Variants in SV2C observed in about 807,000 individuals in gnomAD.
The protein encoded by SV2C is synaptic vesicle glycoprotein 2C.
SV2C carries 49 observed loss-of-function variants against 79.7 expected under a neutral mutation model. The ratio of observed to expected loss-of-function variants is 0.61; its 90% CI spans 0.49 to 0.78. SV2C has a LOEUF of 0.78. Among genes scored for constraint, SV2C ranks in the 30% least tolerant of loss-of-function variants. The pLI is 0.00. For synonymous variants in SV2C, 334 were observed against 333.2 expected (o/e 1.00, Z -0.03); for missense variants, 833 against 912.9 (o/e 0.91, Z 1.13).
chr5:75,870,165 G>GGACCAATTCTAGAGAAA, the SV2C span, among the ~76,000 whole-genome samples: 2 of 151,924 alleles, frequency 1.3e-5, no homozygotes, highest in South Asian at 4.1e-4. Flanking sequence ...ACTAAATAAG[G>GGACCAATTCTAGAGAAA]CACAAGGGAC....
chr5:76,010,300 C>G, the SV2C span, among the ~76,000 whole-genome samples: 1 of 152,030 alleles, frequency 6.6e-6, no homozygotes. Flanking sequence ...CATGCCTGCT[C>G]GTCAGGGTGG....
At chr5:76,177,812 G>A (rs1743589816) in intron 2 of SV2C, among the ~76,000 whole-genome samples, 4 of 152,098 alleles carry the variant, frequency 2.6e-5, no homozygotes, top group Admixed American at 2.6e-4. Flanking sequence ...GTGGTATTTT[G>A]CTGGAGGGTC....
At chr5:76,084,646 C>A (rs1747113986) in intron 1 of SV2C, among the ~76,000 whole-genome samples, 1 of 149,554 alleles carries the variant, frequency 6.7e-6, no homozygotes, top group Non-Finnish European at 1.5e-5. Flanking sequence ...GCGCTCGCGT[C>A]ACCTTCTACG....
At chr5:76,072,821 T>C in the SV2C span, among the ~76,000 whole-genome samples, 1 of 152,244 alleles carries the variant, frequency 6.6e-6, no homozygotes, top group Non-Finnish European at 1.5e-5. Context: ...TGGTATTTCA[T>C]TGTGGTTTTG....
chr5:76,115,917 C>G (rs985617959), intron 1 of SV2C, among the ~76,000 whole-genome samples: 1 of 152,208 alleles, frequency 6.6e-6, no homozygotes, highest in Non-Finnish European at 1.5e-5. Flanking sequence ...TCTGCCTGAG[C>G]CCCTTTACTC....
At chr5:76,334,362 C>T (rs140732331), downstream of SV2C, among the ~76,000 whole-genome samples, 1,194 of 152,152 alleles carry the variant, frequency 7.8e-3, 16 homozygotes, top group African/African-American at 0.028. Context: ...ACTTAAATGC[C>T]ACATATTTGC....
At position 76,227,271 on chromosome 5, in the gene SV2C, C is replaced by T. The variant is rs549909849; in HGVS notation, c.913+17384C>T. Among the ~76,000 whole-genome samples, 8 of 152,296 alleles carry T rather than the reference C, an allele frequency of 5.3e-5. No homozygotes were observed. The South Asian group carries it at 1.7e-3, about 32-fold the overall frequency. Reference sequence around the variant, plus strand: ...CAGCTGGGCCAGCTCCTTGCAGGAGCACCTTCCCTCTGCCATATGTGGTCT... The same window carrying T: ...CAGCTGGGCCAGCTCCTTGCAGGAGTACCTTCCCTCTGCCATATGTGGTCT... On this transcript the variant is annotated intron_variant, in intron 4 of 12. Coordinates refer to ENST00000502798, the MANE Select transcript of SV2C (RefSeq NM_014979.4).
At chr5:76,024,136 T>C in the SV2C span, among the ~76,000 whole-genome samples, 1 of 152,110 alleles carries the variant, frequency 6.6e-6, no homozygotes, top group African/African-American at 2.4e-5. Context: ...TCCCCATATA[T>C]GTATCTTTAA....
At position 76,346,061 on chromosome 5, in the gene SV2C, G is replaced by A. The variant is rs141821594; in HGVS notation, c.2001-7069G>A. 3.5e-4 allele frequency among the ~76,000 whole-genome samples: 54 copies of A among 152,298 alleles called. 2 individuals carry two copies. In the East Asian group the frequency reaches 9.8e-3, roughly 28 times the overall value. On this transcript the variant is annotated intron_variant, in intron 12 of 12. Coordinates refer to the SV2C transcript ENST00000322285. Reference sequence around the variant, plus strand: ...ACAACGATCTCTCCAGATTTGTAGCGTTTGCAGATTTCCTTGGTGTAATTA... The same window carrying A: ...ACAACGATCTCTCCAGATTTGTAGCATTTGCAGATTTCCTTGGTGTAATTA...
chr5:76,284,465 G>T (rs563413992), intron 4 of SV2C, among the ~76,000 whole-genome samples: 9 of 152,106 alleles, frequency 5.9e-5, no homozygotes, highest in African/African-American at 1.9e-4. Flanking sequence ...GGTGTTTAGC[G>T]AAGGGACTCT....
At chr5:76,032,227 T>C in the SV2C span, among the ~76,000 whole-genome samples, 1 of 144,604 alleles carries the variant, frequency 6.9e-6, no homozygotes, top group South Asian at 2.1e-4. Flanking sequence ...TATCTTCTTT[T>C]TTTTTTCCTG....
At chr5:75,876,658 T>C in the SV2C span, among the ~76,000 whole-genome samples, 1 of 152,110 alleles carries the variant, frequency 6.6e-6, no homozygotes, top group Non-Finnish European at 1.5e-5. Flanking sequence ...AGGTGTAATA[T>C]GCATAACAAT....
intron 4 of SV2C, among the ~76,000 whole-genome samples, chr5:76,240,636 C>T (rs1384371825): frequency 1.3e-5 from 2 of 152,160 alleles, no homozygotes; most frequent in Admixed American, 6.5e-5. Flanking sequence ...TTCTGTTATA[C>T]ACTCTTTATA....
At chr5:76,059,045 T>C in the SV2C span, among the ~76,000 whole-genome samples, 1,124 of 152,240 alleles carry the variant, frequency 7.4e-3, 67 homozygotes, top group Admixed American at 0.067. Flanking sequence ...TATTCTAGTC[T>C]ATTAAGGATG....
chr5:76,014,428 A>G, the SV2C span, among the ~76,000 whole-genome samples: 1 of 152,226 alleles, frequency 6.6e-6, no homozygotes, highest in Non-Finnish European at 1.5e-5. Context: ...TACTGGCATA[A>G]TTTAGACTTT....
At chr5:76,197,200 T>C (rs1744295301) in intron 3 of SV2C, among the ~76,000 whole-genome samples, 1 of 152,206 alleles carries the variant, frequency 6.6e-6, no homozygotes, top group Non-Finnish European at 1.5e-5. Context: ...GTATTGAAAG[T>C]ACAAGGTAGA....
chr5:76,295,924 T>C lies in SV2C; in HGVS notation c.1484T>C (p.Met495Thr), dbSNP rs548001146. 4 of 1,608,550 alleles carry C rather than the reference T, an allele frequency of 2.5e-6. No homozygotes were observed. The South Asian group carries it at 4.4e-5, about 18-fold the overall frequency. ...FTMENQIHTG[M>T]EYDNGRFIGV... ...ATGGAAAATCAGATTCATACTGGAA[T>C]GGAATACGACAATGGCAGGTCTAGA... is the stretch of plus-strand genomic sequence containing the variant. Residue 495 changes from methionine to threonine, a missense_variant, in exon 9 of 13, where the codon ATG becomes ACG. Physicochemically the swap from Met to Thr is moderately conservative, Grantham distance 81 (BLOSUM62 -1). Coordinates refer to ENST00000502798, the MANE Select transcript of SV2C (RefSeq NM_014979.4).
chr5:76,069,196 T>G, the SV2C span, among the ~76,000 whole-genome samples: 1 of 152,168 alleles, frequency 6.6e-6, no homozygotes, highest in Non-Finnish European at 1.5e-5. Context: ...GAATCTGGGG[T>G]GCAGATTCTC....
At chr5:76,201,972 C>T (rs1018793384) in intron 3 of SV2C, among the ~76,000 whole-genome samples, 21 of 144,372 alleles carry the variant, frequency 1.5e-4, no homozygotes, top group African/African-American at 5.4e-4. Context: ...GCTGAGCTCG[C>T]GCCACTGCAC....
Sources: allele counts gnomAD v4.1 joint callset (sites outside exome capture counted in the v4.1 genomes callset), GRCh38; gene constraint gnomAD v4.1.1; transcripts MANE v1.5; gene names NCBI Gene and HGNC (gene_info 2026-07-23, HGNC 2026-07-21).